CCDC85A: variants seen among roughly 807,000 people sequenced by gnomAD.
CCDC85A encodes the protein coiled-coil domain-containing protein 85A.
Under a neutral mutation model 50.2 loss-of-function variants are expected in CCDC85A, and 38 were observed. That is an observed-to-expected ratio of 0.76 (90% CI 0.58 to 0.99). The LOEUF is 0.99. Among genes scored for constraint, CCDC85A ranks in the 50% least tolerant of loss-of-function variants. The pLI is 0.00. For missense variants in CCDC85A, 820 were observed against 742.0 expected (o/e 1.11, Z -1.22); for synonymous variants, 366 against 301.4 (o/e 1.21, Z -2.22).
intron 2 of CCDC85A, among the ~76,000 whole-genome samples, chr2:56,289,958 G>C (rs931883757): frequency 3.3e-5 from 5 of 151,998 alleles, no homozygotes; most frequent in Non-Finnish European, 5.9e-5. Context: ...CTGGTACTAG[G>C]CTATGGGTCA....
At chr2:56,353,265 A>T (rs891025631) in intron 3 of CCDC85A, among the ~76,000 whole-genome samples, 1 of 152,240 alleles carries the variant, frequency 6.6e-6, no homozygotes, top group Non-Finnish European at 1.5e-5. Flanking sequence ...TGTTGGTTTT[A>T]TGTGTATTTG....
intron 3 of CCDC85A, among the ~76,000 whole-genome samples, chr2:56,370,334 C>T (rs751854803): frequency 1.5e-4 from 23 of 151,932 alleles, no homozygotes; most frequent in Non-Finnish European, 2.4e-4. Context: ...TGTATAAATA[C>T]CATTTTGATG....
At chr2:56,281,713 G>C (rs1237833995) in intron 2 of CCDC85A, among the ~76,000 whole-genome samples, 1 of 152,108 alleles carries the variant, frequency 6.6e-6, no homozygotes, top group African/African-American at 2.4e-5. Context: ...TTTTAGTGAA[G>C]TGTCTGTTCA....
At chr2:56,381,064 T>G (rs1191047331) in intron 5 of CCDC85A, among the ~76,000 whole-genome samples, 1 of 152,106 alleles carries the variant, frequency 6.6e-6, no homozygotes, top group Non-Finnish European at 1.5e-5. Flanking sequence ...CCCCTGGGCA[T>G]TTTTTATGTG....
intron 2 of CCDC85A, among the ~76,000 whole-genome samples, chr2:56,203,351 G>T (rs375945234): frequency 2.7e-5 from 4 of 150,424 alleles, no homozygotes; most frequent in African/African-American, 7.3e-5. Flanking sequence ...TGGAAGAACA[G>T]GCTTGAAAAT....
intron 2 of CCDC85A, among the ~76,000 whole-genome samples, chr2:56,198,382 A>G (rs1676609561): frequency 6.6e-6 from 1 of 152,336 alleles, no homozygotes; most frequent in South Asian, 2.1e-4. Context: ...CTCTGTGTGT[A>G]TTTCTGTTGT....
chr2:56,195,762 C>T (rs1676497603), intron 2 of CCDC85A, among the ~76,000 whole-genome samples: 1 of 152,138 alleles, frequency 6.6e-6, no homozygotes, highest in African/African-American at 2.4e-5. Context: ...GACTCATTTC[C>T]AGAGTCATTC....
chr2:56,313,427 G>T (rs1242030768), intron 2 of CCDC85A, among the ~76,000 whole-genome samples: 5 of 152,074 alleles, frequency 3.3e-5, no homozygotes, highest in Admixed American at 2.0e-4. Flanking sequence ...AAGGAGAACT[G>T]ATACCTTGAT....
chr2:56,243,851 G>A (rs910599149), intron 2 of CCDC85A, among the ~76,000 whole-genome samples: 15 of 152,290 alleles, frequency 9.8e-5, no homozygotes, highest in Non-Finnish European at 1.9e-4. Context: ...TGCATTAGGG[G>A]ACACCCCAAG....
intron 2 of CCDC85A, among the ~76,000 whole-genome samples, chr2:56,269,878 A>G (rs1422675563): frequency 2.0e-5 from 3 of 152,186 alleles, no homozygotes; most frequent in Non-Finnish European, 4.4e-5. Flanking sequence ...TATATTTTCT[A>G]TCCACATTAG....
chr2:56,194,151 A>G (rs566026603), intron 2 of CCDC85A, among the ~76,000 whole-genome samples: 2 of 152,350 alleles, frequency 1.3e-5, no homozygotes, highest in South Asian at 4.1e-4. Flanking sequence ...TTACACTGCA[A>G]GAGACATCTT....
intron 2 of CCDC85A, among the ~76,000 whole-genome samples, chr2:56,316,352 A>G (rs1361308765): frequency 1.3e-5 from 2 of 152,022 alleles, no homozygotes; most frequent in Admixed American, 6.6e-5. Context: ...TTTCTCGTAT[A>G]TATTTAGACA....
intron 2 of CCDC85A, among the ~76,000 whole-genome samples, chr2:56,237,089 A>G (rs1669052509): frequency 6.6e-6 from 1 of 152,138 alleles, no homozygotes; most frequent in South Asian, 2.1e-4. Flanking sequence ...ATGCTTATTT[A>G]GGCATTTTTC....
At chr2:56,216,497 A>G (rs1256218910) in intron 2 of CCDC85A, among the ~76,000 whole-genome samples, 2 of 151,802 alleles carry the variant, frequency 1.3e-5, no homozygotes, top group East Asian at 3.9e-4. Flanking sequence ...GAAGCCTTTT[A>G]TATATTTGAA....
intron 3 of CCDC85A, among the ~76,000 whole-genome samples, chr2:56,364,751 C>G (rs989371961): frequency 3.9e-5 from 6 of 152,226 alleles, no homozygotes; most frequent in African/African-American, 1.4e-4. Context: ...TGCCTACATT[C>G]AAATAGACAT....
intron 3 of CCDC85A, among the ~76,000 whole-genome samples, chr2:56,358,553 C>A (rs1675352644): frequency 6.6e-6 from 1 of 152,176 alleles, no homozygotes; most frequent in South Asian, 2.1e-4. Context: ...AATTTATGGG[C>A]CATATGTTCT....
Position 56,353,096 on chromosome 2 carries a change from C to T in CCDC85A, c.1317+10141C>T, listed in dbSNP as rs556612954. Among the ~76,000 whole-genome samples, 7 of 152,252 alleles carry T rather than the reference C, an allele frequency of 4.6e-5. No individual in the cohort carries two copies. In the South Asian group the frequency reaches 8.3e-4, roughly 18 times the overall value. On this transcript the variant is annotated intron_variant, in intron 3 of 5. Transcript: ENST00000407595. ...TTAATTTACAAATGCCTACTTACAT[C>T]GTGGGGGGTTACTCTACCTCACTGG...
At chr2:56,384,008 C>G (rs1676713485) in intron 5 of CCDC85A, among the ~76,000 whole-genome samples, 1 of 151,830 alleles carries the variant, frequency 6.6e-6, no homozygotes, top group Admixed American at 6.6e-5. Context: ...ACTTACGTAA[C>G]TACAGTAAGT....
chr2:56,342,769 A>G (rs1365898586), intron 2 of CCDC85A, 110 bp from the exon 3 acceptor site: 2 of 579,732 alleles, frequency 3.4e-6, no homozygotes, highest in East Asian at 6.6e-5. Flanking sequence ...ATTTTAAATA[A>G]CAGACTAAAT....
Sources: allele counts gnomAD v4.1 joint callset (sites outside exome capture counted in the v4.1 genomes callset), GRCh38; gene constraint gnomAD v4.1.1; transcripts MANE v1.5; gene names NCBI Gene and HGNC (gene_info 2026-07-23, HGNC 2026-07-21).